The following ZFPM2 variants were observed in gnomAD, a reference collection of about 807,000 sequenced individuals.
The protein encoded by ZFPM2 is zinc finger protein, FOG family member 2, also known as zinc finger protein ZFPM2.
In ZFPM2, 20 loss-of-function variants were observed where a neutral mutation model predicts 98.6. The ratio of observed to expected loss-of-function variants is 0.20; its 90% CI spans 0.14 to 0.29. ZFPM2 has a LOEUF of 0.29. Among genes scored for constraint, ZFPM2 ranks in the 10% least tolerant of loss-of-function variants. The pLI is 1.00. For missense variants in ZFPM2, 1,310 were observed against 1,388.6 expected (o/e 0.94, Z 0.90); for synonymous variants, 518 against 502.7 (o/e 1.03, Z -0.41).
chr8:105,670,258 A>G (rs1202077617), intron 5 of ZFPM2, among the ~76,000 whole-genome samples: 4 of 152,076 alleles, frequency 2.6e-5, no homozygotes, highest in African/African-American at 7.2e-5. Context: ...GCACTTTGGG[A>G]GGCCAAGGCG....
At chr8:105,531,551 C>T (rs561603016) in intron 3 of ZFPM2, among the ~76,000 whole-genome samples, 4 of 152,278 alleles carry the variant, frequency 2.6e-5, no homozygotes, top group South Asian at 4.1e-4. Context: ...TAACTAATTA[C>T]GTCTGCAGTG....
Position 105,568,222 on chromosome 8 carries a change from C to A in ZFPM2, c.420+6741C>A, listed in dbSNP as rs146214076. On this transcript the variant is annotated intron_variant, in intron 4 of 7. Coordinates refer to ENST00000407775, the MANE Select transcript of ZFPM2 (RefSeq NM_012082.4). Reference sequence around the variant, plus strand: ...TAGCACATTTCAACTGTTTTGCAAGCTTTCCCATTTAATTCCTCCAACTAC... The same window carrying A: ...TAGCACATTTCAACTGTTTTGCAAGATTTCCCATTTAATTCCTCCAACTAC... Among the ~76,000 whole-genome samples the A allele has an allele frequency of 1.4e-4, 21 of 152,132 alleles. No individual in the cohort carries two copies. In the East Asian group the frequency reaches 1.7e-3, roughly 13 times the overall value.
chr8:105,399,756 A>G (rs2129976560), intron 1 of ZFPM2, among the ~76,000 whole-genome samples: 1 of 152,146 alleles, frequency 6.6e-6, no homozygotes, highest in South Asian at 2.1e-4. Context: ...AACTATATTT[A>G]GATTTGTGAT....
intron 5 of ZFPM2, among the ~76,000 whole-genome samples, chr8:105,642,615 T>C (rs1482837721): frequency 6.6e-6 from 1 of 152,164 alleles, no homozygotes; most frequent in Non-Finnish European, 1.5e-5. Flanking sequence ...GCCACTTTGT[T>C]TTTCATAAGA....
chr8:105,633,767 T>G (rs1816795514), intron 4 of ZFPM2, among the ~76,000 whole-genome samples: 1 of 152,196 alleles, frequency 6.6e-6, no homozygotes, highest in Non-Finnish European at 1.5e-5. Flanking sequence ...TCATTATTCA[T>G]TCAGAATAAG....
At chr8:105,773,619 T>C (rs1459455851) in intron 5 of ZFPM2, among the ~76,000 whole-genome samples, 1 of 150,816 alleles carries the variant, frequency 6.6e-6, no homozygotes. Context: ...TCTAGTTTTA[T>C]CTAAATCATG....
intron 5 of ZFPM2, among the ~76,000 whole-genome samples, chr8:105,639,173 A>G (rs756346558): frequency 6.6e-6 from 1 of 152,058 alleles, no homozygotes; most frequent in African/African-American, 2.4e-5. Flanking sequence ...AGCACTGATG[A>G]TCTACTTCTT....
chr8:105,731,716 T>G (rs191972512), intron 5 of ZFPM2, among the ~76,000 whole-genome samples: 37 of 151,778 alleles, frequency 2.4e-4, no homozygotes, highest in African/African-American at 8.4e-4. Flanking sequence ...CTAAAGGAAT[T>G]TGTTGTAAGT....
intron 1 of ZFPM2, among the ~76,000 whole-genome samples, chr8:105,403,897 A>G (rs1336550460): frequency 1.3e-5 from 2 of 151,840 alleles, no homozygotes; most frequent in Non-Finnish European, 2.9e-5. Context: ...GTTCCTGGTA[A>G]TATTTATGAT....
At chr8:105,536,288 A>C (rs1013106329) in intron 3 of ZFPM2, among the ~76,000 whole-genome samples, 1 of 151,972 alleles carries the variant, frequency 6.6e-6, no homozygotes, top group Non-Finnish European at 1.5e-5. Flanking sequence ...CCATATCATC[A>C]ATTTTCTTTC....
intron 5 of ZFPM2, among the ~76,000 whole-genome samples, chr8:105,719,587 G>A (rs1413379189): frequency 1.3e-5 from 2 of 151,834 alleles, no homozygotes; most frequent in Non-Finnish European, 2.9e-5. Context: ...TAAAATGGGG[G>A]CGATAATATT....
At chr8:105,377,146 C>T (rs542852085) in intron 1 of ZFPM2, among the ~76,000 whole-genome samples, 5 of 152,228 alleles carry the variant, frequency 3.3e-5, no homozygotes, top group African/African-American at 9.6e-5. Context: ...CTTCTTATCA[C>T]GTAAGTCCCA....
intron 5 of ZFPM2, among the ~76,000 whole-genome samples, chr8:105,707,117 C>T (rs1423915649): frequency 6.6e-6 from 1 of 151,694 alleles, no homozygotes; most frequent in African/African-American, 2.4e-5. Flanking sequence ...GTGGTGCACA[C>T]CTGTTGTCCA....
At chr8:105,589,041 C>T (rs78615491) in intron 4 of ZFPM2, among the ~76,000 whole-genome samples, 2,325 of 152,242 alleles carry the variant, frequency 0.015, 51 homozygotes, top group African/African-American at 0.052. Context: ...TGTTACAAAG[C>T]GGTTAGCCTG....
At chr8:105,526,168 A>T (rs1022369493) in intron 3 of ZFPM2, among the ~76,000 whole-genome samples, 1 of 151,908 alleles carries the variant, frequency 6.6e-6, no homozygotes, top group East Asian at 1.9e-4. Context: ...TTTAGGGATA[A>T]TTTTTTTCCC....
At chr8:105,355,127 G>A (rs529685374) in intron 1 of ZFPM2, among the ~76,000 whole-genome samples, 1 of 152,228 alleles carries the variant, frequency 6.6e-6, no homozygotes, top group Admixed American at 6.5e-5. Context: ...ATTCAGTGTT[G>A]TTGTAAAATC....
At chr8:105,431,368 A>G (rs1181346094) in intron 2 of ZFPM2, among the ~76,000 whole-genome samples, 1 of 151,316 alleles carries the variant, frequency 6.6e-6, no homozygotes, top group African/African-American at 2.4e-5. Context: ...AGAATAATTA[A>G]TGAATGAAAG....
chr8:105,430,095 G>A (rs1172667127), intron 2 of ZFPM2, among the ~76,000 whole-genome samples: 1 of 152,114 alleles, frequency 6.6e-6, no homozygotes, highest in African/African-American at 2.4e-5. Context: ...TGAGCACTGG[G>A]GCAGTACGGT....
chr8:105,483,042 A>G (rs1444450943), intron 3 of ZFPM2, among the ~76,000 whole-genome samples: 3 of 44,264 alleles, frequency 6.8e-5, no homozygotes, highest in Non-Finnish European at 8.3e-5. Context: ...TTCCTTCTTT[A>G]TTTTAACAGG....
Sources: gnomAD v4.1 joint callset for allele counts (sites outside exome capture counted in the v4.1 genomes callset) on GRCh38, gnomAD v4.1.1 for gene constraint, MANE v1.5 for transcripts, NCBI Gene and HGNC (gene_info 2026-07-23, HGNC 2026-07-21) for gene names.